Variants in CFHR3 observed in about 807,000 individuals in gnomAD.
The protein encoded by CFHR3 is complement factor H related 3, also known as complement factor H-related protein 3.
Under a neutral mutation model 36.0 loss-of-function variants are expected in CFHR3, and 22 were observed. That is an observed-to-expected ratio of 0.61 (90% CI 0.44 to 0.87). The LOEUF is 0.87. Among genes scored for constraint, CFHR3 ranks in the 40% least tolerant of loss-of-function variants. The pLI is 0.00. For synonymous variants in CFHR3, 97 were observed against 137.4 expected (o/e 0.71, Z 2.06); for missense variants, 276 against 401.3 (o/e 0.69, Z 2.67).
chr1:196,785,107 T>C (rs1356432998), intron 3 of CFHR3, among the ~76,000 whole-genome samples: 3 of 136,612 alleles, frequency 2.2e-5, no homozygotes, highest in Admixed American at 7.1e-5. Context: ...AAAATTCTTC[T>C]CTTTAAGAAT....
At chr1:196,781,126 T>C (rs562792352) in intron 3 of CFHR3, among the ~76,000 whole-genome samples, 1 of 135,046 alleles carries the variant, frequency 7.4e-6, no homozygotes, top group East Asian at 2.0e-4. Context: ...ACAAAGAACA[T>C]GAACTCATCA....
chr1:196,783,947 T>C lies in CFHR3; in HGVS notation c.430+3974T>C, dbSNP rs576582067. 5.9e-5 allele frequency among the ~76,000 whole-genome samples: 8 copies of C among 135,920 alleles called. 2 individuals are homozygous for C. Among genetic ancestry groups the C allele is most frequent in the Admixed American group, 5.7e-4 (8 of 14,118 alleles). 89.2% of individuals were successfully genotyped at this position (135,920 alleles called of 152,430 possible). A position where few individuals can be genotyped will look rare whatever the true frequency, so the allele number is the denominator to read the frequency against. ...TTTCTCTTGTGGGCATTTAGTGCTATAAATTTCCCTCTACACACTGCTTTG... is the reference window on the plus strand; with the variant it reads ...TTTCTCTTGTGGGCATTTAGTGCTACAAATTTCCCTCTACACACTGCTTTG... On this transcript the variant is annotated intron_variant, in intron 3 of 5. Transcript: ENST00000367425.
rs1179058225 is a variant in CFHR3, at chr1:196,792,194, T to A, written c.797-1123T>A. Among the ~76,000 whole-genome samples, 214 of 115,848 alleles carry A rather than the reference T, an allele frequency of 1.8e-3. 8 individuals are homozygous for A. The highest frequency in any genetic ancestry group is 8.8e-3 in the African/African-American group (203 of 23,088). The allele number at this position is 115,848 out of a possible 152,430, so 76.0% of individuals were successfully genotyped here. ...TGAATGTATTGAAGAGCTCTTAAAA[T>A]TTTTTGGATTTCAAAAGTGATATGT... On this transcript the variant is annotated intron_variant, in intron 5 of 5. Coordinates refer to ENST00000367425, the MANE Select transcript of CFHR3 (RefSeq NM_021023.6).
rs568445085 is a variant in CFHR3, at chr1:196,778,816, T to C, written c.59-346T>C. ...TAGCATAACTTGGTATAGTTCTAGATAAGCTCAGTTCAAATTAATGTTGAT... is the reference window on the plus strand; with the variant it reads ...TAGCATAACTTGGTATAGTTCTAGACAAGCTCAGTTCAAATTAATGTTGAT... On this transcript the variant is annotated intron_variant, in intron 1 of 5. Coordinates refer to ENST00000367425, the MANE Select transcript of CFHR3 (RefSeq NM_021023.6). 4.4e-5 allele frequency among the ~76,000 whole-genome samples: 6 copies of C among 137,054 alleles called. No homozygotes were observed. In the East Asian group the frequency reaches 1.2e-3, roughly 27 times the overall value. 89.9% of individuals were successfully genotyped at this position (137,054 alleles called of 152,430 possible).
Position 196,777,224 on chromosome 1 carries a change from C to G in CFHR3, c.59-1938C>G, listed in dbSNP as rs143759322. Among the ~76,000 whole-genome samples, 193 of 137,004 alleles carry G rather than the reference C, an allele frequency of 1.4e-3. 34 individuals carry two copies. Among genetic ancestry groups the G allele is most frequent in the Admixed American group, 3.1e-3 (44 of 14,220 alleles). 89.9% of individuals were successfully genotyped at this position (137,004 alleles called of 152,430 possible). ...TATTGACCAATATTTCTTCCATCAA[C>G]TCATAAGTTATTTACACTTATTTAA... is the stretch of plus-strand genomic sequence containing the variant. On this transcript the variant is annotated intron_variant, in intron 1 of 5. Transcript: ENST00000367425.
intron 4 of CFHR3, chr1:196,788,988 T>C (rs1654317816): frequency 7.6e-7 from 1 of 1,311,524 alleles, no homozygotes; most frequent in Admixed American, 3.1e-5. Flanking sequence ...TACTTGCCAA[T>C]GGATTCTTTA....
At position 196,793,424 on chromosome 1, in the gene CFHR3, T is replaced by A. The variant is rs775672794; in HGVS notation, c.904T>A (p.Cys302Ser). Residue 302 changes from cysteine to serine, a missense_variant, in exon 6 of 6, where the codon TGT becomes AGT. This residue lies in a region of CFHR3 where 76 missense variants were observed against 79.8 expected (regional missense o/e 0.95). Transcript: ENST00000367425. ...AACAGGGGATACCATTGAATTTATG[T>A]GTAAATTGGGATATAATGCAAATAC... ...AKTGDTIEFM[C>S]KLGYNANTSI... 8 of 1,527,338 alleles carry A rather than the reference T, an allele frequency of 5.2e-6. 2 individuals carry two copies. Among genetic ancestry groups the A allele is most frequent in the Non-Finnish European group, 4.4e-6 (5 of 1,129,434 alleles). 94.6% of individuals were successfully genotyped at this position (1,527,338 alleles called of 1,614,324 possible).
At position 196,785,958 on chromosome 1, in the gene CFHR3, G is replaced by A. The variant is rs1192662408; in HGVS notation, c.431-2258G>A. Among the ~76,000 whole-genome samples the A allele has an allele frequency of 4.4e-5, 6 of 134,910 alleles. 1 individual carries two copies. The highest frequency in any genetic ancestry group is 7.8e-5 in the Non-Finnish European group (5 of 64,146). 88.5% of individuals were successfully genotyped at this position (134,910 alleles called of 152,430 possible). On this transcript the variant is annotated intron_variant, in intron 3 of 5. Transcript: ENST00000367425. ...TTATCTACTTTTGGTCTTTGATGAT[G>A]GTGATGTACAGATGGGTTTTTGGTG...
At chr1:196,775,469 C>T (rs454834) in intron 1 of CFHR3, among the ~76,000 whole-genome samples, 78,705 of 135,106 alleles carry the variant, frequency 0.58, 29,468 homozygotes, top group East Asian at 0.95. Context: ...CAACTTACTA[C>T]GTCAACAAAA....
chr1:196,785,146 G>T (rs1276139121), intron 3 of CFHR3, among the ~76,000 whole-genome samples: 3 of 136,842 alleles, frequency 2.2e-5, no homozygotes, highest in African/African-American at 9.2e-5. Flanking sequence ...CTCTCTTCTG[G>T]CTTGTAGAGT....
rs1488742484 is a variant in CFHR3 at position 196,778,911 on chromosome 1, C to T, written c.59-251C>T. On this transcript the variant is annotated intron_variant, in intron 1 of 5. Coordinates refer to ENST00000367425, the MANE Select transcript of CFHR3 (RefSeq NM_021023.6). The stretch of plus-strand genomic sequence containing the variant: ...GTAGAGAAAGTAGAATGAGGTTCTT[C>T]TTGTCCTGTTAGCTGATTTGGGATC... Among the ~76,000 whole-genome samples the T allele has an allele frequency of 1.5e-5, 2 of 136,382 alleles. 1 individual carries two copies. The highest frequency in any genetic ancestry group is 3.9e-4 in the East Asian group (2 of 5,108). 89.5% of individuals were successfully genotyped at this position (136,382 alleles called of 152,430 possible).
rs61737523 is a variant in CFHR3 at position 196,779,204 on chromosome 1, T to G, written c.101T>G (p.Phe34Cys). ...CCAGACATTAAACATGGAGGTCTAT[T>G]TCATGAGAATATGCGTAGACCATAC... is the stretch of plus-strand genomic sequence containing the variant. ...DFPDIKHGGL[F>C]HENMRRPYFP... is the part of the protein sequence containing the mutation. Residue 34 changes from phenylalanine to cysteine, a missense_variant, in exon 2 of 6, where the codon TTT becomes TGT. By Grantham distance (205) the Phe-to-Cys change is radical (BLOSUM62 -2). Coordinates refer to ENST00000367425, the MANE Select transcript of CFHR3 (RefSeq NM_021023.6). 2,279 of 1,530,158 alleles carry G rather than the reference T, an allele frequency of 1.5e-3. 616 individuals are homozygous for G. In the African/African-American group the frequency reaches 0.033, roughly 22 times the overall value. The allele number at this position is 1,530,158 out of a possible 1,614,324, so 94.8% of individuals were successfully genotyped here.
chr1:196,787,780 AT>A (rs1654266801), intron 3 of CFHR3, among the ~76,000 whole-genome samples: 1 of 137,352 alleles, frequency 7.3e-6, no homozygotes. Context: ...GATTTACAAA[AT>A]TACTTTCTTG....
intron 1 of CFHR3, among the ~76,000 whole-genome samples, chr1:196,775,236 A>C (rs1480181625): frequency 2.9e-5 from 4 of 137,420 alleles, no homozygotes; most frequent in Non-Finnish European, 6.2e-5. Flanking sequence ...AACTTTAAGT[A>C]GGAAACATGT....
Position 196,781,217 on chromosome 1 carries a change from T to C in CFHR3, c.430+1244T>C, listed in dbSNP as rs1408281004. 4.4e-5 allele frequency among the ~76,000 whole-genome samples: 6 copies of C among 134,968 alleles called. 2 individuals are homozygous for C. Among genetic ancestry groups the C allele is most frequent in the Non-Finnish European group, 9.4e-5 (6 of 64,150 alleles). 88.5% of individuals were successfully genotyped at this position (134,968 alleles called of 152,430 possible). On this transcript the variant is annotated intron_variant, in intron 3 of 5. Transcript: ENST00000367425. ...AGTCTATCATTGTTGGACATTTGGG[T>C]TGGTTCCAAGTCTTTGCTATTGTGA...
Position 196,781,888 on chromosome 1 carries a change from C to T in CFHR3, c.430+1915C>T, listed in dbSNP as rs1247396955. Among the ~76,000 whole-genome samples, 19 of 136,392 alleles carry T rather than the reference C, an allele frequency of 1.4e-4. 3 individuals carry two copies. The highest frequency in any genetic ancestry group is 2.5e-4 in the Non-Finnish European group (16 of 64,390). 89.5% of individuals were successfully genotyped at this position (136,392 alleles called of 152,430 possible). On this transcript the variant is annotated intron_variant, in intron 3 of 5. Coordinates refer to ENST00000367425, the MANE Select transcript of CFHR3 (RefSeq NM_021023.6). ...ATGAAGTCCTTGCCCATGCCTATGT[C>T]CTGAATGGTAATGCCTAGGTTTTCT...
At position 196,789,199 on chromosome 1, in the gene CFHR3, T is replaced by A. The variant is rs1002946022; in HGVS notation, c.613+801T>A. 6.1e-5 allele frequency: 56 copies of A among 911,068 alleles called. 7 individuals carry two copies. In the Admixed American group the frequency reaches 6.6e-4, roughly 11 times the overall value. 56.4% of individuals were successfully genotyped at this position (911,068 alleles called of 1,614,324 possible). A position where few individuals can be genotyped will look rare whatever the true frequency, so the allele number is the denominator to read the frequency against. Reference sequence around the variant, plus strand: ...ATAATTTACATACTCCCAAATCCACTTCATTTTCAAGGGTACAATTCAACT... The same window carrying A: ...ATAATTTACATACTCCCAAATCCACATCATTTTCAAGGGTACAATTCAACT... On this transcript the variant is annotated intron_variant, in intron 4 of 5. Coordinates refer to ENST00000367425, the MANE Select transcript of CFHR3 (RefSeq NM_021023.6).
rs866376514 is a variant in CFHR3 at position 196,780,659 on chromosome 1, C to G, written c.430+686C>G. Among the ~76,000 whole-genome samples the G allele has an allele frequency of 5.1e-5, 7 of 136,370 alleles. 1 individual carries two copies. Among genetic ancestry groups the G allele is most frequent in the South Asian group, 2.5e-4 (1 of 3,950 alleles). The allele number at this position is 136,370 out of a possible 152,430, so 89.5% of individuals were successfully genotyped here. On this transcript the variant is annotated intron_variant, in intron 3 of 5. Transcript: ENST00000367425. ...CTTAATAATTCTGAAGGTAAAATCT[C>G]TTTTAATTATATGTAATGCAAATGC...
At position 196,793,476 on chromosome 1, in the gene CFHR3, G is replaced by A. The variant is rs1327068188; in HGVS notation, c.956G>A (p.Cys319Tyr). ...NTSILSFQAV[C>Y]REGIVEYPRC... ...TCAATTCTATCATTTCAAGCAGTGT[G>A]TCGGGAAGGGATAGTGGAATACCCC... The change falls in exon 6 of 6, where the codon TGT (cysteine) becomes TAT (tyrosine). Residue 319 changes from cysteine (C) to tyrosine (Y), a missense_variant. Around this residue, in one of 3 missense-constraint regions of CFHR3, gnomAD observed 76 missense variants for 79.8 expected, o/e 0.95. Coordinates refer to ENST00000367425, the MANE Select transcript of CFHR3 (RefSeq NM_021023.6). 1.3e-6 allele frequency: 2 copies of A among 1,526,612 alleles called. No individual in the cohort carries two copies. The highest frequency in any genetic ancestry group is 2.5e-5 in the South Asian group (2 of 80,468). The allele number at this position is 1,526,612 out of a possible 1,614,324, so 94.6% of individuals were successfully genotyped here.
Sources: gnomAD v4.1 joint callset for allele counts (sites outside exome capture counted in the v4.1 genomes callset) on GRCh38, gnomAD v4.1.1 for gene constraint, gnomAD v4.1.1 regional missense constraint, MANE v1.5 for transcripts, NCBI Gene and HGNC (gene_info 2026-07-23, HGNC 2026-07-21) for gene names.